Variants in LRP1B observed in about 807,000 individuals in gnomAD.
The protein encoded by LRP1B is LDL receptor related protein 1B, also known as low-density lipoprotein receptor-related protein 1B.
In LRP1B, 217 loss-of-function variants were observed where a neutral mutation model predicts 556.6. The ratio of observed to expected loss-of-function variants is 0.39; its 90% CI spans 0.35 to 0.44. The LOEUF (loss-of-function observed/expected upper bound fraction) is 0.44. Ranked by LOEUF, LRP1B falls within the 20% of genes least tolerant of loss-of-function variation. The pLI is 1.00. For missense variants in LRP1B, 5,053 were observed against 5,620.8 expected, an observed-to-expected ratio of 0.90 and a Z score of 3.23; for synonymous variants, 2,047 against 1,865.8, an observed-to-expected ratio of 1.10 and a Z score of -2.50.
At chr2:141,020,893 C>T (rs923875132) in intron 11 of LRP1B, among the ~76,000 whole-genome samples, 2 of 151,904 alleles carry the variant, frequency 1.3e-5, no homozygotes, top group Admixed American at 1.3e-4. Flanking sequence ...GGATAAATAT[C>T]CAAGCCTTAT....
At chr2:141,342,768 G>A (rs972216996) in intron 3 of LRP1B, among the ~76,000 whole-genome samples, 1 of 152,142 alleles carries the variant, frequency 6.6e-6, no homozygotes, top group African/African-American at 2.4e-5. Context: ...GAAAGTGACA[G>A]GGAGAATGAA....
chr2:141,970,057 TG>T lies in LRP1B; in HGVS notation c.83-159657del, dbSNP rs796642850. ...ATGATAAGCTTTTATTTCACATATC[TG>T]TTGACCATTTGTATGTCTTCTTTGA... On this transcript the variant is annotated intron_variant, in intron 1 of 90. Transcript: ENST00000389484. 5.1e-4 allele frequency among the ~76,000 whole-genome samples: 77 copies of T among 151,748 alleles called. 1 individual carries two copies. The highest frequency in any genetic ancestry group is 1.8e-3 in the African/African-American group (74 of 41,518).
chr2:140,256,048 T>C (rs1429347401), intron 86 of LRP1B, among the ~76,000 whole-genome samples: 3 of 152,192 alleles, frequency 2.0e-5, no homozygotes, highest in Non-Finnish European at 4.4e-5. Flanking sequence ...AGGTATTTGC[T>C]TGATGGATAC....
rs182491979 is a variant in LRP1B, at chr2:140,444,929, T to A, written c.10058-250A>T. Reference sequence around the variant, plus strand: ...ATTAATAACATATAAATATATTTTTTTAAAAATTTAAAAAACATATAAAAG... The same window carrying A: ...ATTAATAACATATAAATATATTTTTATAAAAATTTAAAAAACATATAAAAG... On this transcript the variant is annotated intron_variant, in intron 63 of 90. Transcript: ENST00000389484. 4.3e-3 allele frequency among the ~76,000 whole-genome samples: 661 copies of A among 152,204 alleles called. 6 individuals are homozygous for A. Among genetic ancestry groups the A allele is most frequent in the African/African-American group, 0.016 (644 of 41,548 alleles).
intron 2 of LRP1B, among the ~76,000 whole-genome samples, chr2:141,482,837 G>C (rs1682972999): frequency 2.0e-5 from 3 of 152,060 alleles, no homozygotes; most frequent in Admixed American, 2.0e-4. Context: ...AGTTCTAAAA[G>C]TTACCCTCAG....
At chr2:141,481,156 T>C (rs1232914690) in intron 2 of LRP1B, among the ~76,000 whole-genome samples, 1 of 152,194 alleles carries the variant, frequency 6.6e-6, no homozygotes, top group African/African-American at 2.4e-5. Flanking sequence ...GGCATACTCA[T>C]TGTTTTTACA....
rs552548404 is a variant in LRP1B, at chr2:141,043,152, G to A, written c.1789+5834C>T. Among the ~76,000 whole-genome samples, 166 of 150,768 alleles carry A rather than the reference G, an allele frequency of 1.1e-3. 2 individuals are homozygous for A. Among genetic ancestry groups the A allele is most frequent in the Non-Finnish European group, 1.9e-3 (130 of 67,650 alleles). On this transcript the variant is annotated intron_variant, in intron 11 of 90. Transcript: ENST00000389484. ...CAGGAGGAGGAGGATGCAGTGAGTC[G>A]TGATCACACCACTGCACTCCAGCCT...
chr2:141,497,730 G>GGCCTGAACTTTAGCGCA (rs1233009936), intron 2 of LRP1B, among the ~76,000 whole-genome samples: 39 of 151,898 alleles, frequency 2.6e-4, no homozygotes, highest in African/African-American at 9.4e-4. Context: ...CAAATCTACT[G>GGCCTGAACTTTAGCGCA]AACAAACTAT....
chr2:141,277,209 C>A (rs141878972), intron 3 of LRP1B, among the ~76,000 whole-genome samples: 1 of 152,148 alleles, frequency 6.6e-6, no homozygotes, highest in Admixed American at 6.5e-5. Context: ...TTTGAGAAAT[C>A]GCCAACCTAC....
chr2:140,807,965 G>A (rs1053668995), intron 32 of LRP1B, among the ~76,000 whole-genome samples: 17 of 152,136 alleles, frequency 1.1e-4, no homozygotes, highest in African/African-American at 4.1e-4. Context: ...AATGGCGCAT[G>A]CCTGTAATCC....
chr2:141,464,365 G>C (rs1436243655), intron 3 of LRP1B, among the ~76,000 whole-genome samples: 1 of 150,812 alleles, frequency 6.6e-6, no homozygotes, highest in Non-Finnish European at 1.5e-5. Context: ...GAACAAATTG[G>C]AATGTGTATT....
chr2:141,263,718 A>G (rs1000099475), intron 3 of LRP1B, among the ~76,000 whole-genome samples: 1 of 152,162 alleles, frequency 6.6e-6, no homozygotes, highest in African/African-American at 2.4e-5. Context: ...ATATAGAACA[A>G]CATTCCTTAT....
chr2:140,857,827 A>G (rs1207804219), intron 27 of LRP1B, among the ~76,000 whole-genome samples: 2 of 152,234 alleles, frequency 1.3e-5, no homozygotes, highest in East Asian at 1.9e-4. Flanking sequence ...TGTTACATTT[A>G]TAGGGGAAAT....
chr2:140,898,625 C>A, intron 23 of LRP1B: 1 of 365,372 alleles, frequency 2.7e-6, no homozygotes, highest in South Asian at 2.2e-5. Flanking sequence ...AAGAACCTCC[C>A]CCTGAACAAC....
At chr2:140,867,987 C>A (rs1478217977) in intron 26 of LRP1B, 112 bp downstream of exon 26, 9 of 1,291,770 alleles carry the variant, frequency 7.0e-6, no homozygotes, top group Admixed American at 2.7e-5. Context: ...AAAAAATACA[C>A]CTCCAATTTT....
intron 66 of LRP1B, among the ~76,000 whole-genome samples, chr2:140,388,412 T>C (rs975819288): frequency 2.0e-5 from 3 of 152,176 alleles, no homozygotes; most frequent in African/African-American, 7.2e-5. Flanking sequence ...CAATTTAATA[T>C]GTTTTATATT....
intron 1 of LRP1B, among the ~76,000 whole-genome samples, chr2:142,055,859 G>T (rs1481970228): frequency 6.6e-6 from 1 of 152,082 alleles, no homozygotes; most frequent in Non-Finnish European, 1.5e-5. Context: ...TTTCAGAAGT[G>T]TTCACAATAC....
At chr2:140,690,942 C>G (rs1161989570) in intron 41 of LRP1B, among the ~76,000 whole-genome samples, 1 of 152,060 alleles carries the variant, frequency 6.6e-6, no homozygotes. Context: ...GTATCCTTTT[C>G]AGTTTTATGA....
intron 35 of LRP1B, among the ~76,000 whole-genome samples, chr2:140,748,858 T>C (rs1057160717): frequency 2.2e-4 from 30 of 138,992 alleles, no homozygotes; most frequent in Admixed American, 9.9e-4. Context: ...ATAATATATA[T>C]ACACACACAC....
Sources: gnomAD v4.1 joint callset for allele counts (sites outside exome capture counted in the v4.1 genomes callset) on GRCh38, gnomAD v4.1.1 for gene constraint, MANE v1.5 for transcripts, NCBI Gene and HGNC (gene_info 2026-07-23, HGNC 2026-07-21) for gene names.